Variants in LTBP1 observed in about 807,000 individuals in gnomAD.
The protein encoded by LTBP1 is latent transforming growth factor beta binding protein 1.
Under a neutral mutation model 207.6 loss-of-function variants are expected in LTBP1, and 129 were observed. That is an observed-to-expected ratio of 0.62 (90% CI 0.54 to 0.72). LTBP1 has a LOEUF of 0.72. Among genes scored for constraint, LTBP1 ranks in the 30% least tolerant of loss-of-function variants. The pLI is 0.00. For missense variants in LTBP1, 2,281 were observed against 2,217.2 expected (o/e 1.03, Z -0.58); for synonymous variants, 963 against 833.7 (o/e 1.16, Z -2.67).
Position 33,361,501 on chromosome 2 carries a change from G to T in LTBP1, c.4256G>T (p.Gly1419Val), listed in dbSNP as rs61751743. ...PAGESSSEAGGENYKDADECL... is the reference protein window; with the variant it reads ...PAGESSSEAGVENYKDADECL... Reference sequence around the variant, plus strand: ...GGAGAATCATCTTCTGAAGCTGGTGGTGAGAACTATAAAGGTCAGAATCAA... The same window carrying T: ...GGAGAATCATCTTCTGAAGCTGGTGTTGAGAACTATAAAGGTCAGAATCAA... The change falls in exon 28 of 34, where the codon GGT becomes GTT. Residue 1419 changes from glycine to valine, a missense_variant. Coordinates refer to ENST00000404816, the MANE Select transcript of LTBP1 (RefSeq NM_206943.4). 239 of 1,613,024 alleles carry T rather than the reference G, an allele frequency of 1.5e-4. No individual in the cohort carries two copies. Among genetic ancestry groups the T allele is most frequent in the Non-Finnish European group, 2.0e-4 (232 of 1,179,388 alleles).
chr2:33,309,655 T>C, intron 23 of LTBP1, 99 bp downstream of exon 23: 1 of 1,356,218 alleles, frequency 7.4e-7, no homozygotes, highest in South Asian at 1.3e-5. Context: ...GTGATTTATA[T>C]GTAAATAATT....
intron 31 of LTBP1, among the ~76,000 whole-genome samples, chr2:33,376,284 C>G (rs1007447149): frequency 1.3e-5 from 2 of 152,208 alleles, no homozygotes; most frequent in Non-Finnish European, 2.9e-5. Flanking sequence ...CAAGGCCTGT[C>G]AGGTTCTCTG....
Position 33,262,806 on chromosome 2 carries a change from C to T in LTBP1, c.2503C>T (p.His835Tyr). The stretch of plus-strand genomic sequence containing the variant: ...TCCAGGCATTTCCACTATTCATCTG[C>T]ATCCACAGTTTCCAGGTAGCCTGTG... ...LSPGISTIHL[H>Y]PQFPVVIEKT... Residue 835 changes from histidine (H) to tyrosine (Y), a missense_variant, in exon 14 of 34, where the codon CAT becomes TAT. Around this residue, in one of 3 missense-constraint regions of LTBP1, gnomAD observed 1,671 missense variants for 1,634.8 expected, o/e 1.02. Transcript: ENST00000404816. The T allele has an allele frequency of 6.2e-6, 10 of 1,606,586 alleles. No homozygotes were observed. Among genetic ancestry groups the T allele is most frequent in the Non-Finnish European group, 8.5e-6 (10 of 1,175,374 alleles).
intron 3 of LTBP1, among the ~76,000 whole-genome samples, chr2:33,022,902 A>T (rs992319498): frequency 6.6e-6 from 1 of 151,986 alleles, no homozygotes; most frequent in Admixed American, 6.6e-5. Flanking sequence ...TCTTTTTTAA[A>T]TTTTTTTCTC....
intron 2 of LTBP1, among the ~76,000 whole-genome samples, chr2:33,001,756 A>G (rs956787072): frequency 7.4e-6 from 1 of 135,302 alleles, no homozygotes; most frequent in African/African-American, 2.6e-5. Context: ...ATGGTTGGCA[A>G]TGACAAGGAT....
rs750876727 is a variant in LTBP1, at chr2:33,397,118, C to A, written c.4835-15C>A. ...TTGAGAAGCTCTAACTTAGCTTCTG[C>A]CCTTTCCTTTCCAGGTTTTCTAAAT... On this transcript the variant is annotated splice_polypyrimidine_tract_variant and intron_variant, in intron 32 of 33. Transcript: ENST00000404816. The A allele has an allele frequency of 7.4e-6, 12 of 1,611,914 alleles. No homozygotes were observed. The highest frequency in any genetic ancestry group is 1.0e-5 in the Non-Finnish European group (12 of 1,178,592).
chr2:33,283,530 G>A lies in LTBP1; in HGVS notation c.3112+3372G>A, dbSNP rs1389802539. On this transcript the variant is annotated intron_variant, in intron 19 of 33. Transcript: ENST00000404816. ...CAGCTCACTGCAACCTCCACCTCCCGGATTCACGCCATTCTCCTACCTCAG... is the reference window on the plus strand; with the variant it reads ...CAGCTCACTGCAACCTCCACCTCCCAGATTCACGCCATTCTCCTACCTCAG... Among the ~76,000 whole-genome samples the A allele has an allele frequency of 4.3e-5, 6 of 140,042 alleles. No homozygotes were observed. In the East Asian group the frequency reaches 6.6e-4, roughly 15 times the overall value. 91.9% of individuals were successfully genotyped at this position (140,042 alleles called of 152,430 possible). A position where few individuals can be genotyped will look rare whatever the true frequency, so the allele number is the denominator to read the frequency against.
At chr2:33,178,012 G>T (rs1019367388) in intron 5 of LTBP1, among the ~76,000 whole-genome samples, 1 of 152,208 alleles carries the variant, frequency 6.6e-6, no homozygotes, top group African/African-American at 2.4e-5. Flanking sequence ...CCCAAGGGCT[G>T]CTCCCCAGCC....
chr2:33,389,366 C>G, intron 32 of LTBP1, 60 bp downstream of exon 32: 1 of 1,599,428 alleles, frequency 6.3e-7, no homozygotes, highest in Non-Finnish European at 8.6e-7. Context: ...AATCAGTGGT[C>G]CTCAAAATGT....
At chr2:33,180,238 CACA>C (rs1490600542) in intron 5 of LTBP1, among the ~76,000 whole-genome samples, 1 of 152,136 alleles carries the variant, frequency 6.6e-6, no homozygotes, top group Non-Finnish European at 1.5e-5. Context: ...AGTTTTAGAA[CACA>C]ACAACTGTAA....
At chr2:33,077,314 G>A (rs1416375969) in intron 3 of LTBP1, among the ~76,000 whole-genome samples, 2 of 152,216 alleles carry the variant, frequency 1.3e-5, no homozygotes, top group African/African-American at 4.8e-5. Flanking sequence ...TTTTGGAAAA[G>A]CGTATAAGTC....
At chr2:33,212,507 C>T (rs979903984) in intron 7 of LTBP1, among the ~76,000 whole-genome samples, 1 of 152,174 alleles carries the variant, frequency 6.6e-6, no homozygotes, top group East Asian at 1.9e-4. Flanking sequence ...TGTAACCTAT[C>T]AGTATGTAGT....
intron 26 of LTBP1, 74 bp from the exon 27 acceptor site, chr2:33,360,523 T>C (rs906117816): frequency 2.1e-6 from 2 of 936,764 alleles, no homozygotes; most frequent in Admixed American, 3.9e-5. Context: ...CTTTCCCCCA[T>C]TGCATTCTCT....
At chr2:33,108,174 C>T (rs898171755) in intron 3 of LTBP1, among the ~76,000 whole-genome samples, 13 of 152,110 alleles carry the variant, frequency 8.5e-5, no homozygotes, top group African/African-American at 2.9e-4. Context: ...GGACAGTTTC[C>T]TCTACTTGCC....
rs775107162 is a variant in LTBP1, at chr2:33,365,510, C to G, written c.4711+7C>G. The G allele has an allele frequency of 3.1e-6, 5 of 1,610,928 alleles. No individual in the cohort carries two copies. Among genetic ancestry groups the G allele is most frequent in the African/African-American group, 2.7e-5 (2 of 74,794 alleles). ...TGCCCCCTGAAGGATTCAGGTGAGCCCATATCCAATTCCTTCTGCAGGAGG... is the reference window on the plus strand; with the variant it reads ...TGCCCCCTGAAGGATTCAGGTGAGCGCATATCCAATTCCTTCTGCAGGAGG... On this transcript the variant is annotated splice_region_variant and intron_variant, in intron 31 of 33. Transcript: ENST00000404816.
At chr2:33,287,073 A>G (rs1409930595) in intron 19 of LTBP1, among the ~76,000 whole-genome samples, 3 of 150,396 alleles carry the variant, frequency 2.0e-5, no homozygotes, top group African/African-American at 7.4e-5. Context: ...CTAAAACTTA[A>G]AAGTATAATA....
chr2:33,209,401 C>T (rs2090129029), intron 7 of LTBP1, among the ~76,000 whole-genome samples: 1 of 152,078 alleles, frequency 6.6e-6, no homozygotes, highest in Non-Finnish European at 1.5e-5. Flanking sequence ...TTCTCTGGCA[C>T]CAAAACATAG....
intron 10 of LTBP1, among the ~76,000 whole-genome samples, chr2:33,245,005 A>C (rs1048797939): frequency 6.6e-6 from 1 of 151,990 alleles, no homozygotes; most frequent in Non-Finnish European, 1.5e-5. Context: ...CAGCCTCCCA[A>C]GTAGCTGGGA....
chr2:33,202,931 A>T (rs1295781220), intron 7 of LTBP1, among the ~76,000 whole-genome samples: 1 of 152,238 alleles, frequency 6.6e-6, no homozygotes. Flanking sequence ...TGCTGATTGC[A>T]TTTATTGAAG....
Sources: allele counts gnomAD v4.1 joint callset (sites outside exome capture counted in the v4.1 genomes callset), GRCh38; gene constraint gnomAD v4.1.1; regional missense constraint gnomAD v4.1.1; transcripts MANE v1.5; gene names NCBI Gene and HGNC (gene_info 2026-07-23, HGNC 2026-07-21).